Variants in GOLPH3 observed in about 807,000 individuals in gnomAD.
GOLPH3 encodes the protein golgi phosphoprotein 3, also known as coat protein GPP34.
Under a neutral mutation model 28.5 loss-of-function variants are expected in GOLPH3, and 14 were observed. That is an observed-to-expected ratio of 0.49 (90% CI 0.32 to 0.77). GOLPH3 has a LOEUF of 0.77. Ranked by LOEUF, GOLPH3 falls within the 30% of genes least tolerant of loss-of-function variation. The probability of loss-of-function intolerance (pLI) is 0.03; values close to 1 mark genes in which losing one functional copy is unlikely to be tolerated. For missense variants in GOLPH3, 350 were observed against 393.7 expected (o/e 0.89, Z 0.94); for synonymous variants, 158 against 159.2 (o/e 0.99, Z 0.06).
At chr5:32,160,622 G>A (rs1746550400) in intron 1 of GOLPH3, among the ~76,000 whole-genome samples, 1 of 152,134 alleles carries the variant, frequency 6.6e-6, no homozygotes. Context: ...GAGATACAAT[G>A]GTAGGCAAAA....
intron 3 of GOLPH3, among the ~76,000 whole-genome samples, chr5:32,134,212 A>C (rs962387771): frequency 4.0e-5 from 6 of 151,500 alleles, no homozygotes; most frequent in Admixed American, 2.6e-4. Flanking sequence ...TCTACAAAAA[A>C]TTTTTTTTCT....
chr5:32,155,347 G>A (rs1466102234), intron 1 of GOLPH3, among the ~76,000 whole-genome samples: 7 of 151,956 alleles, frequency 4.6e-5, no homozygotes, highest in Admixed American at 2.6e-4. Context: ...CAGCACACTC[G>A]GCTTTTTATT....
At chr5:32,140,193 A>T (rs1416610782) in intron 2 of GOLPH3, among the ~76,000 whole-genome samples, 2 of 152,134 alleles carry the variant, frequency 1.3e-5, no homozygotes, top group Non-Finnish European at 2.9e-5. Flanking sequence ...AGAGGAAAAA[A>T]AAAAAATAAG....
At chr5:32,139,391 A>C (rs149191618) in intron 2 of GOLPH3, among the ~76,000 whole-genome samples, 2,522 of 152,288 alleles carry the variant, frequency 0.017, 68 homozygotes, top group Non-Finnish European at 0.022. Context: ...GAGTCCTAGA[A>C]CCAATCGCCC....
chr5:32,146,029 C>A (rs1388819493), intron 1 of GOLPH3, among the ~76,000 whole-genome samples: 1 of 152,100 alleles, frequency 6.6e-6, no homozygotes, highest in African/African-American at 2.4e-5. Context: ...CAGTGACATA[C>A]ACCTGTAATC....
chr5:32,174,058 G>A lies in GOLPH3; in HGVS notation c.-24C>T, dbSNP rs1003228565. The A allele has an allele frequency of 6.3e-6, 8 of 1,270,880 alleles. No individual in the cohort carries two copies. Among genetic ancestry groups the A allele is most frequent in the South Asian group, 5.8e-5 (2 of 34,524 alleles). 78.7% of individuals were successfully genotyped at this position (1,270,880 alleles called of 1,614,324 possible). Reference sequence around the variant, plus strand: ...ATGGCTCCCGCCGAGGCGCCGAGCCGGGCCGAGAGGGTCGCAGGACCGACC... The same window carrying A: ...ATGGCTCCCGCCGAGGCGCCGAGCCAGGCCGAGAGGGTCGCAGGACCGACC... On this transcript the variant is annotated 5_prime_UTR_variant, in exon 1 of 4. Coordinates refer to ENST00000265070, the MANE Select transcript of GOLPH3 (RefSeq NM_022130.4).
In GOLPH3 at chr5:32,163,483, G is replaced by A. The variant is rs552387318; in HGVS notation, c.225+10327C>T. 3.6e-3 allele frequency among the ~76,000 whole-genome samples: 555 copies of A among 152,146 alleles called. 1 individual carries two copies. The highest frequency in any genetic ancestry group is 5.4e-3 in the Non-Finnish European group (366 of 67,994). On this transcript the variant is annotated intron_variant, in intron 1 of 3. Coordinates refer to ENST00000265070, the MANE Select transcript of GOLPH3 (RefSeq NM_022130.4). Reference sequence around the variant, plus strand: ...AGCTTGGCCAACATGGTGAAACCCCGTCTTTACTAAAAGTACAAAAATTAG... The same window carrying A: ...AGCTTGGCCAACATGGTGAAACCCCATCTTTACTAAAAGTACAAAAATTAG...
intron 1 of GOLPH3, among the ~76,000 whole-genome samples, chr5:32,169,081 C>T (rs1443241273): frequency 6.6e-6 from 1 of 151,994 alleles, no homozygotes; most frequent in Non-Finnish European, 1.5e-5. Flanking sequence ...CAAGACCAGC[C>T]TGAGCCATGT....
At chr5:32,166,858 T>C (rs1294117546) in intron 1 of GOLPH3, among the ~76,000 whole-genome samples, 1 of 150,634 alleles carries the variant, frequency 6.6e-6, no homozygotes, top group African/African-American at 2.4e-5. Flanking sequence ...TTTGTGCTGC[T>C]TCAAAGGGAG....
intron 3 of GOLPH3, 141 bp from the exon 4 acceptor site, chr5:32,126,777 A>C (rs1745691845): frequency 1.5e-6 from 1 of 669,534 alleles, no homozygotes; most frequent in Non-Finnish European, 2.5e-6. Context: ...CCCTAACTAG[A>C]CCATGAACCC....
chr5:32,151,712 G>A (rs1554048896), intron 1 of GOLPH3, among the ~76,000 whole-genome samples: 1 of 152,106 alleles, frequency 6.6e-6, no homozygotes, highest in Non-Finnish European at 1.5e-5. Flanking sequence ...TACAAACCAT[G>A]AATTTGGATA....
intron 1 of GOLPH3, among the ~76,000 whole-genome samples, chr5:32,152,766 AGT>A (rs1746335919): frequency 6.6e-6 from 1 of 151,058 alleles, no homozygotes. Context: ...TGGGCAAGAG[AGT>A]GAGACTCAGT....
intron 1 of GOLPH3, among the ~76,000 whole-genome samples, chr5:32,170,371 ATAAGGT>A: frequency 6.6e-6 from 1 of 152,372 alleles, no homozygotes; most frequent in East Asian, 1.9e-4. Context: ...GTATATTCAC[ATAAGGT>A]TATTAGCTCA....
chr5:32,173,778 G>A (rs1315834339), intron 1 of GOLPH3, 32 bp downstream of exon 1: 4 of 1,317,066 alleles, frequency 3.0e-6, no homozygotes, highest in South Asian at 4.3e-5. Flanking sequence ...GCCCCGCGCC[G>A]CCGCCCCCCG....
At chr5:32,135,525 A>C (rs1256733142) in intron 3 of GOLPH3, 47 bp downstream of exon 3, 2 of 1,156,988 alleles carry the variant, frequency 1.7e-6, no homozygotes, top group South Asian at 1.3e-5. Context: ...TAAACTTCGC[A>C]ATCTTTTAAA....
chr5:32,128,213 T>C (rs1244530937), intron 3 of GOLPH3, among the ~76,000 whole-genome samples: 1 of 152,142 alleles, frequency 6.6e-6, no homozygotes, highest in East Asian at 1.9e-4. Flanking sequence ...AAGAGTTCAG[T>C]AGAGCTGGGA....
intron 1 of GOLPH3, among the ~76,000 whole-genome samples, chr5:32,172,988 G>A (rs147956258): frequency 1.5e-3 from 222 of 152,216 alleles, no homozygotes; most frequent in African/African-American, 5.1e-3. Context: ...TGAAAATTTT[G>A]GACACTGAAG....
In GOLPH3 at chr5:32,133,327, A is replaced by T. The variant is rs148321892; in HGVS notation, c.472+2245T>A. ...ATGCATTTCAGTAACAGGAAAGTGA[A>T]GGCAAAGCCCACTCTACATTCCATA... On this transcript the variant is annotated intron_variant, in intron 3 of 3. Coordinates refer to ENST00000265070, the MANE Select transcript of GOLPH3 (RefSeq NM_022130.4). Among the ~76,000 whole-genome samples, 629 of 152,362 alleles carry T rather than the reference A, an allele frequency of 4.1e-3. 2 individuals carry two copies. The highest frequency in any genetic ancestry group is 7.0e-3 in the Non-Finnish European group (474 of 68,030).
intron 1 of GOLPH3, among the ~76,000 whole-genome samples, chr5:32,159,025 C>T (rs1380499465): frequency 1.3e-5 from 2 of 152,176 alleles, no homozygotes; most frequent in African/African-American, 2.4e-5. Context: ...GCTCAGAGGA[C>T]CTGCCACGCA....
Sources: allele counts gnomAD v4.1 joint callset (sites outside exome capture counted in the v4.1 genomes callset), GRCh38; gene constraint gnomAD v4.1.1; transcripts MANE v1.5; gene names NCBI Gene and HGNC (gene_info 2026-07-23, HGNC 2026-07-21).